Variants in SUCLG1 observed in about 807,000 individuals in gnomAD.
SUCLG1 encodes the protein succinate-CoA ligase GDP/ADP-forming subunit alpha.
In SUCLG1, 26 loss-of-function variants were observed where a neutral mutation model predicts 37.3. That is an observed-to-expected ratio of 0.70 (90% CI 0.51 to 0.97). SUCLG1 has a LOEUF of 0.97. SUCLG1 is among the 50% of genes least tolerant of loss of function. The pLI is 0.00. For missense variants in SUCLG1, 433 were observed against 432.9 expected (o/e 1.00, Z 0.00); for synonymous variants, 163 against 155.6 (o/e 1.05, Z -0.36).
chr2:84,450,300 CTAAAATA>C (rs1040896128), intron 1 of SUCLG1, among the ~76,000 whole-genome samples: 1 of 150,526 alleles, frequency 6.6e-6, no homozygotes, highest in African/African-American at 2.4e-5. Context: ...TAAAACTTAT[CTAAAATA>C]TAATACAAAA....
intron 1 of SUCLG1, among the ~76,000 whole-genome samples, chr2:84,455,087 CAG>C (rs1279827988): frequency 2.0e-5 from 3 of 152,316 alleles, no homozygotes; most frequent in African/African-American, 7.2e-5. Flanking sequence ...GAGTAGCTAG[CAG>C]CCACTTACCC....
intron 1 of SUCLG1, among the ~76,000 whole-genome samples, chr2:84,451,822 C>A (rs547583915): frequency 1.3e-5 from 2 of 151,454 alleles, no homozygotes; most frequent in African/African-American, 4.9e-5. Flanking sequence ...GTGATCTCCC[C>A]ATCTACACAC....
intron 1 of SUCLG1, among the ~76,000 whole-genome samples, chr2:84,453,373 T>A (rs2104268032): frequency 6.6e-6 from 1 of 152,150 alleles, no homozygotes; most frequent in African/African-American, 2.4e-5. Flanking sequence ...CAAATCCATA[T>A]ATGATGAGAT....
intron 1 of SUCLG1, 113 bp from the exon 2 acceptor site, chr2:84,449,865 T>G: frequency 9.5e-6 from 7 of 734,512 alleles, no homozygotes; most frequent in Non-Finnish European, 1.6e-5. Flanking sequence ...ATGCACGCGC[T>G]ATCCTGTGAT....
intron 7 of SUCLG1, among the ~76,000 whole-genome samples, chr2:84,428,114 G>A (rs2104239754): frequency 6.6e-6 from 1 of 152,224 alleles, no homozygotes; most frequent in African/African-American, 2.4e-5. Flanking sequence ...CTCTAGCTCT[G>A]TGCCTTTGCT....
In SUCLG1 at chr2:84,425,310, C is replaced by T; in HGVS notation, c.1014+105G>A. The T allele has an allele frequency of 5.0e-6, 7 of 1,397,542 alleles. 1 individual carries two copies. The Admixed American group carries it at 1.3e-4, about 25-fold the overall frequency. 86.6% of individuals were successfully genotyped at this position (1,397,542 alleles called of 1,614,324 possible). A position where few individuals can be genotyped will look rare whatever the true frequency, so the allele number is the denominator to read the frequency against. The stretch of plus-strand genomic sequence containing the variant: ...ACTATTAAGCTGCACATCAGAAAAC[C>T]AATTAAGTCCCAGAAGCAAAGGCCA... On this transcript the variant is annotated intron_variant, in intron 8 of 8. Transcript: ENST00000393868.
intron 2 of SUCLG1, among the ~76,000 whole-genome samples, chr2:84,446,576 G>C (rs1209560797): frequency 6.6e-6 from 1 of 152,114 alleles, no homozygotes; most frequent in African/African-American, 2.4e-5. Context: ...GTCAGGGGCA[G>C]GGTTTTGAAA....
chr2:84,444,917 C>A (rs1573372134), intron 2 of SUCLG1, among the ~76,000 whole-genome samples: 1 of 152,220 alleles, frequency 6.6e-6, no homozygotes, highest in Non-Finnish European at 1.5e-5. Flanking sequence ...GGTTATCTCT[C>A]TTGTTCCCTG....
intron 1 of SUCLG1, among the ~76,000 whole-genome samples, chr2:84,452,183 T>TAA (rs35100622): frequency 8.7e-6 from 1 of 115,028 alleles, no homozygotes; most frequent in African/African-American, 3.2e-5. Context: ...AGTACTATAA[T>TAA]AAAAAAAAAA....
At chr2:84,427,978 C>T (rs1672559245) in intron 7 of SUCLG1, among the ~76,000 whole-genome samples, 2 of 152,190 alleles carry the variant, frequency 1.3e-5, no homozygotes, top group Non-Finnish European at 2.9e-5. Flanking sequence ...TACTCTGGTT[C>T]GACTGACTGC....
At position 84,457,637 on chromosome 2, in the gene SUCLG1, C is replaced by T. The variant is rs191169956; in HGVS notation, c.97+1536G>A. 7.2e-4 allele frequency among the ~76,000 whole-genome samples: 110 copies of T among 152,284 alleles called. 1 individual carries two copies. The highest frequency in any genetic ancestry group is 2.4e-3 in the African/African-American group (101 of 41,556). Reference sequence around the variant, plus strand: ...CCTCAGACTAGCAAGACCACAGAAGCGAAAGACACAGGTGGGCAACTTCTT... The same window carrying T: ...CCTCAGACTAGCAAGACCACAGAAGTGAAAGACACAGGTGGGCAACTTCTT... On this transcript the variant is annotated intron_variant, in intron 1 of 8. Coordinates refer to ENST00000393868, the MANE Select transcript of SUCLG1 (RefSeq NM_003849.4).
intron 2 of SUCLG1, 87 bp downstream of exon 2, chr2:84,449,562 T>C: frequency 1.1e-6 from 1 of 922,820 alleles, no homozygotes; most frequent in Non-Finnish European, 1.7e-6. Context: ...CAATCATGTG[T>C]TATTTTTGAG....
intron 6 of SUCLG1, among the ~76,000 whole-genome samples, 154 bp from the exon 7 acceptor site, chr2:84,431,813 T>C (rs1323538838): frequency 6.6e-6 from 1 of 152,182 alleles, no homozygotes; most frequent in East Asian, 1.9e-4. Flanking sequence ...ATTTAAAAAA[T>C]CACAAAATGC....
chr2:84,449,412 AACAATATACTCCTAGTAAGCAT>A (rs779197609), intron 2 of SUCLG1, among the ~76,000 whole-genome samples: 1 of 152,176 alleles, frequency 6.6e-6, no homozygotes, highest in Non-Finnish European at 1.5e-5. Context: ...GGGCCTCCAA[AACAATATACTCCTAGTAAGCAT>A]ACAATATACT....
At chr2:84,456,442 G>A (rs948997181) in intron 1 of SUCLG1, among the ~76,000 whole-genome samples, 1 of 152,136 alleles carries the variant, frequency 6.6e-6, no homozygotes, top group African/African-American at 2.4e-5. Flanking sequence ...CCAAAATTCT[G>A]AGGTTCAAAA....
At chr2:84,457,457 T>C (rs1395203886) in intron 1 of SUCLG1, among the ~76,000 whole-genome samples, 1 of 152,196 alleles carries the variant, frequency 6.6e-6, no homozygotes, top group African/African-American at 2.4e-5. Context: ...CAAATGATCC[T>C]GGGAGTCTAG....
chr2:84,450,012 A>C (rs971759412), intron 1 of SUCLG1, among the ~76,000 whole-genome samples: 2 of 152,136 alleles, frequency 1.3e-5, no homozygotes, highest in Non-Finnish European at 2.9e-5. Context: ...TCCTGAACTG[A>C]GGGAAAAAAA....
intron 1 of SUCLG1, among the ~76,000 whole-genome samples, chr2:84,458,230 T>C (rs1673060513): frequency 6.6e-6 from 1 of 152,134 alleles, no homozygotes; most frequent in Non-Finnish European, 1.5e-5. Context: ...TGTCACAGTT[T>C]TAATAAGCAA....
intron 8 of SUCLG1, 41 bp from the exon 9 acceptor site, chr2:84,423,813 T>G (rs769949764): frequency 1.3e-6 from 2 of 1,584,432 alleles, no homozygotes; most frequent in African/African-American, 2.7e-5. Context: ...ATGGAATGAA[T>G]AAAGATAAAA....
Sources: allele counts gnomAD v4.1 joint callset (sites outside exome capture counted in the v4.1 genomes callset), GRCh38; gene constraint gnomAD v4.1.1; transcripts MANE v1.5; gene names NCBI Gene and HGNC (gene_info 2026-07-23, HGNC 2026-07-21).